The following RCAN2 variants were observed in gnomAD, a reference collection of about 807,000 sequenced individuals.
RCAN2 encodes regulator of calcineurin 2, also known as calcipressin-2.
Under a neutral mutation model 23.6 loss-of-function variants are expected in RCAN2, and 9 were observed. The ratio of observed to expected loss-of-function variants is 0.38; its 90% CI spans 0.23 to 0.67. RCAN2 has a LOEUF of 0.67. Among genes scored for constraint, RCAN2 ranks in the 30% least tolerant of loss-of-function variants. The probability of loss-of-function intolerance (pLI) is 0.51; values close to 1 mark genes in which losing one functional copy is unlikely to be tolerated. For synonymous variants in RCAN2, 109 were observed against 115.7 expected, an observed-to-expected ratio of 0.94 and a Z score of 0.37; for missense variants, 273 against 302.3, an observed-to-expected ratio of 0.90 and a Z score of 0.72.
At chr6:46,341,755 G>T (rs996487963) in intron 2 of RCAN2, among the ~76,000 whole-genome samples, 3 of 152,184 alleles carry the variant, frequency 2.0e-5, no homozygotes, top group Admixed American at 6.5e-5. Context: ...CTGAGATCAT[G>T]CCATTTCACT....
intron 2 of RCAN2, among the ~76,000 whole-genome samples, chr6:46,413,660 A>T (rs931006092): frequency 6.6e-6 from 1 of 152,242 alleles, no homozygotes; most frequent in African/African-American, 2.4e-5. Context: ...AGCTGGCTCC[A>T]ACGGCACCAA....
chr6:46,362,640 G>A (rs539154308), intron 2 of RCAN2, among the ~76,000 whole-genome samples: 1 of 152,202 alleles, frequency 6.6e-6, no homozygotes, highest in Admixed American at 6.5e-5. Context: ...TTCTTTAACT[G>A]TAACTTGGTT....
chr6:46,489,447 G>A (rs1037069486), intron 1 of RCAN2, among the ~76,000 whole-genome samples: 2 of 152,214 alleles, frequency 1.3e-5, no homozygotes, highest in Admixed American at 6.5e-5. Context: ...TGAATTGATC[G>A]AGTGGATGCT....
intron 2 of RCAN2, among the ~76,000 whole-genome samples, chr6:46,256,851 G>C (rs1766934162): frequency 6.6e-6 from 1 of 152,190 alleles, no homozygotes; most frequent in Admixed American, 6.5e-5. Context: ...AAACTGAAAA[G>C]CTTCTCATAG....
At position 46,287,792 on chromosome 6, in the gene RCAN2, T is replaced by C. The variant is rs147082756; in HGVS notation, c.226-38896A>G. On this transcript the variant is annotated intron_variant, in intron 2 of 4. Transcript: ENST00000371374. ...TAGGTGTTCTGGAAAGAGTATGGGA[T>C]TCCTGGAAGAGGCCGTGGGTGCTGT... 5.4e-3 allele frequency among the ~76,000 whole-genome samples: 827 copies of C among 152,350 alleles called. 5 individuals carry two copies. Among genetic ancestry groups the C allele is most frequent in the African/African-American group, 0.018 (762 of 41,582 alleles).
At chr6:46,481,495 T>C (rs1188608046) in intron 1 of RCAN2, among the ~76,000 whole-genome samples, 1 of 152,214 alleles carries the variant, frequency 6.6e-6, no homozygotes, top group Non-Finnish European at 1.5e-5. Flanking sequence ...CAGTGTTCTC[T>C]AAATTGGTTC....
At chr6:46,405,184 C>T (rs1766363045) in intron 2 of RCAN2, among the ~76,000 whole-genome samples, 1 of 152,104 alleles carries the variant, frequency 6.6e-6, no homozygotes, top group African/African-American at 2.4e-5. Context: ...GGAGTTTTTT[C>T]CTTCTGGTGG....
At position 46,278,972 on chromosome 6, in the gene RCAN2, C is replaced by T. The variant is rs1767808715; in HGVS notation, c.226-30076G>A. On this transcript the variant is annotated intron_variant, in intron 2 of 4. Coordinates refer to ENST00000371374, the MANE Select transcript of RCAN2 (RefSeq NM_001251974.2). Reference sequence around the variant, plus strand: ...TGGCTATGCGTTGGAACCACCTAGGCCATACCAGACAAGTTAACCAGAATC... The same window carrying T: ...TGGCTATGCGTTGGAACCACCTAGGTCATACCAGACAAGTTAACCAGAATC... Among the ~76,000 whole-genome samples the T allele has an allele frequency of 2.0e-5, 3 of 152,242 alleles. No individual in the cohort carries two copies. The South Asian group carries it at 6.2e-4, about 32-fold the overall frequency.
chr6:46,246,064 A>G (rs1446918283), intron 4 of RCAN2, among the ~76,000 whole-genome samples: 2 of 152,246 alleles, frequency 1.3e-5, no homozygotes, highest in Non-Finnish European at 1.5e-5. Flanking sequence ...GAGATGTACA[A>G]GAATGTTAAC....
intron 2 of RCAN2, among the ~76,000 whole-genome samples, chr6:46,255,690 G>T (rs1212101108): frequency 6.6e-6 from 1 of 152,164 alleles, no homozygotes; most frequent in Non-Finnish European, 1.5e-5. Flanking sequence ...AGGAAACAGA[G>T]TTGAGGGACA....
intron 2 of RCAN2, among the ~76,000 whole-genome samples, chr6:46,274,199 C>T (rs1455904093): frequency 2.0e-5 from 3 of 152,078 alleles, no homozygotes; most frequent in Non-Finnish European, 4.4e-5. Flanking sequence ...AGTGTTTGCT[C>T]GAGAACTTCT....
chr6:46,473,044 C>G (rs931639975), intron 1 of RCAN2, among the ~76,000 whole-genome samples: 1 of 152,122 alleles, frequency 6.6e-6, no homozygotes, highest in Non-Finnish European at 1.5e-5. Flanking sequence ...ATTTAAGTGA[C>G]AATGTGATTT....
intron 2 of RCAN2, among the ~76,000 whole-genome samples, chr6:46,430,565 T>C (rs1767167245): frequency 6.6e-6 from 1 of 152,112 alleles, no homozygotes; most frequent in South Asian, 2.1e-4. Flanking sequence ...GAGGAATATA[T>C]GAGTGAAAAT....
intron 2 of RCAN2, among the ~76,000 whole-genome samples, chr6:46,386,763 T>C (rs1056188433): frequency 3.9e-5 from 6 of 152,158 alleles, no homozygotes; most frequent in African/African-American, 1.4e-4. Context: ...TTAAAGTTCA[T>C]ATGGAACCAT....
chr6:46,426,018 C>A (rs113562618), intron 2 of RCAN2, among the ~76,000 whole-genome samples: 1 of 151,584 alleles, frequency 6.6e-6, no homozygotes, highest in Non-Finnish European at 1.5e-5. Flanking sequence ...CCTGCCTCAG[C>A]CTACTGAGTA....
chr6:46,365,612 G>A (rs1378243715), intron 2 of RCAN2, among the ~76,000 whole-genome samples: 1 of 152,172 alleles, frequency 6.6e-6, no homozygotes, highest in African/African-American at 2.4e-5. Flanking sequence ...ACAAAATATT[G>A]CTATCCTTCA....
At chr6:46,436,181 A>G (rs567595363) in intron 2 of RCAN2, among the ~76,000 whole-genome samples, 89 of 152,342 alleles carry the variant, frequency 5.8e-4, no homozygotes, top group Non-Finnish European at 1.0e-4. Context: ...TGCGTTATGC[A>G]GCAACCACAG....
intron 2 of RCAN2, among the ~76,000 whole-genome samples, chr6:46,395,446 A>C (rs1766060464): frequency 6.6e-6 from 1 of 152,226 alleles, no homozygotes; most frequent in South Asian, 2.1e-4. Context: ...TCTCTTAAAT[A>C]TTCTAAACCA....
At position 46,321,334 on chromosome 6, in the gene RCAN2, G is replaced by A. The variant is rs116615021; in HGVS notation, c.226-72438C>T. The stretch of plus-strand genomic sequence containing the variant: ...TCTCATGTTAGAATATATGCTCCGT[G>A]AGGGCAGGGACGTTTATCGAACTCC... On this transcript the variant is annotated intron_variant, in intron 2 of 4. Coordinates refer to ENST00000371374, the MANE Select transcript of RCAN2 (RefSeq NM_001251974.2). Among the ~76,000 whole-genome samples, 1,308 of 152,318 alleles carry A rather than the reference G, an allele frequency of 8.6e-3. 26 individuals are homozygous for A. Among genetic ancestry groups the A allele is most frequent in the African/African-American group, 0.031 (1,277 of 41,548 alleles).
Sources: gnomAD v4.1 joint callset for allele counts (sites outside exome capture counted in the v4.1 genomes callset) on GRCh38, gnomAD v4.1.1 for gene constraint, MANE v1.5 for transcripts, NCBI Gene and HGNC (gene_info 2026-07-23, HGNC 2026-07-21) for gene names.